ARID5B: variants seen among roughly 807,000 people sequenced by gnomAD.
The protein encoded by ARID5B is AT-rich interactive domain-containing protein 5B.
In ARID5B, 13 loss-of-function variants were observed where a neutral mutation model predicts 97.2. The observed-to-expected ratio is 0.13, with a 90% CI of 0.09 to 0.21. The LOEUF (loss-of-function observed/expected upper bound fraction) is 0.21. Ranked by LOEUF, ARID5B falls within the 10% of genes least tolerant of loss-of-function variation. ARID5B has a pLI of 1.00. For synonymous variants in ARID5B, 556 were observed against 570.3 expected, an observed-to-expected ratio of 0.97 and a Z score of 0.36; for missense variants, 1,210 against 1,465.3, an observed-to-expected ratio of 0.83 and a Z score of 2.84.
chr10:61,913,102 C>T (rs916852634), intron 2 of ARID5B, among the ~76,000 whole-genome samples: 3 of 152,138 alleles, frequency 2.0e-5, no homozygotes, highest in Non-Finnish European at 4.4e-5. Flanking sequence ...TGGAAATTTG[C>T]ACTGTGGAAA....
In ARID5B at chr10:62,090,731, T is replaced by C. The variant is rs1446809703; in HGVS notation, c.1399-131T>C. The C allele has an allele frequency of 8.5e-6, 10 of 1,170,786 alleles. No individual in the cohort carries two copies. The Middle Eastern group carries it at 8.8e-4, about 103-fold the overall frequency. The allele number at this position is 1,170,786 out of a possible 1,614,324, so 72.5% of individuals were successfully genotyped here. A position where few individuals can be genotyped will look rare whatever the true frequency, so the allele number is the denominator to read the frequency against. On this transcript the variant is annotated intron_variant, in intron 9 of 9. Coordinates refer to ENST00000279873, the MANE Select transcript of ARID5B (RefSeq NM_032199.3). ...CCATGATTGGGGAGTAATAAAGCTT[T>C]ACAGAAACTTCACGAGCTGATTGAC... is the stretch of plus-strand genomic sequence containing the variant.
At chr10:61,979,198 C>A (rs951764649) in intron 3 of ARID5B, among the ~76,000 whole-genome samples, 1 of 152,208 alleles carries the variant, frequency 6.6e-6, no homozygotes, top group Non-Finnish European at 1.5e-5. Flanking sequence ...TGCAAGCCAT[C>A]TGAGTTCCTC....
At chr10:61,983,356 C>T (rs1393527139) in intron 3 of ARID5B, among the ~76,000 whole-genome samples, 1 of 152,118 alleles carries the variant, frequency 6.6e-6, no homozygotes, top group South Asian at 2.1e-4. Flanking sequence ...TAGTGATTTT[C>T]TTAAATCGGA....
chr10:62,022,331 C>T (rs1032041242), intron 4 of ARID5B, among the ~76,000 whole-genome samples: 6 of 152,212 alleles, frequency 3.9e-5, no homozygotes, highest in African/African-American at 1.4e-4. Context: ...CACAGCTGCC[C>T]TCCTTTTTGA....
At chr10:62,017,379 G>T (rs1273934220) in intron 4 of ARID5B, among the ~76,000 whole-genome samples, 3 of 151,872 alleles carry the variant, frequency 2.0e-5, no homozygotes, top group African/African-American at 7.3e-5. Context: ...TTGAATCTGG[G>T]CATCGGAGAC....
chr10:61,962,360 T>C (rs1383092182), intron 3 of ARID5B, among the ~76,000 whole-genome samples: 5 of 152,210 alleles, frequency 3.3e-5, no homozygotes, highest in Middle Eastern at 3.2e-3. Context: ...CTGTGTTGCA[T>C]TGCATAATTG....
intron 2 of ARID5B, among the ~76,000 whole-genome samples, chr10:61,932,393 T>C (rs1844225303): frequency 6.7e-6 from 1 of 148,172 alleles, no homozygotes; most frequent in African/African-American, 2.6e-5. Context: ...AATTCCTTTT[T>C]TCTTTTTCTT....
intron 3 of ARID5B, among the ~76,000 whole-genome samples, chr10:61,984,077 C>T (rs1037085925): frequency 1.3e-5 from 2 of 152,216 alleles, no homozygotes; most frequent in Non-Finnish European, 2.9e-5. Context: ...CTTTTAAAAT[C>T]TCAGACTCAG....
intron 4 of ARID5B, among the ~76,000 whole-genome samples, chr10:62,038,395 A>C (rs1360558736): frequency 6.6e-6 from 1 of 151,884 alleles, no homozygotes; most frequent in East Asian, 1.9e-4. Flanking sequence ...AAAAGAAAAA[A>C]AGCCAGTTTT....
At chr10:62,057,854 T>G (rs1368283581) in intron 6 of ARID5B, among the ~76,000 whole-genome samples, 1 of 152,202 alleles carries the variant, frequency 6.6e-6, no homozygotes, top group Non-Finnish European at 1.5e-5. Flanking sequence ...ACATGTACAT[T>G]TAAATATAAG....
chr10:62,000,819 C>T lies in ARID5B; in HGVS notation c.733+498C>T, dbSNP rs1280139209. On this transcript the variant is annotated intron_variant, in intron 4 of 9. Transcript: ENST00000279873. This position sits in a 1 kb window ranked among gnomAD's most constrained non-coding sequence, Gnocchi z 4.4. ...ACTTTAGTACTGTACAGTAGATAGA[C>T]ACGTAGAGAGATGATAGATAGATAG... 6.9e-6 allele frequency among the ~76,000 whole-genome samples: 1 copy of T among 144,370 alleles called. No individual in the cohort carries two copies. Among genetic ancestry groups the T allele is most frequent in the Non-Finnish European group, 1.5e-5 (1 of 66,136 alleles). The allele number at this position is 144,370 out of a possible 152,430, so 94.7% of individuals were successfully genotyped here.
intron 2 of ARID5B, among the ~76,000 whole-genome samples, chr10:61,929,031 C>T (rs1450594637): frequency 6.6e-6 from 1 of 152,132 alleles, no homozygotes; most frequent in African/African-American, 2.4e-5. Flanking sequence ...ACACCAGAGG[C>T]ACATGCACCT....
intron 3 of ARID5B, among the ~76,000 whole-genome samples, chr10:61,944,646 T>C (rs1279201897): frequency 6.6e-6 from 1 of 152,240 alleles, no homozygotes; most frequent in Non-Finnish European, 1.5e-5. Flanking sequence ...TTATATGCTT[T>C]GGATTGTTGT....
chr10:61,926,855 A>T (rs564463758), intron 2 of ARID5B, among the ~76,000 whole-genome samples: 2 of 152,014 alleles, frequency 1.3e-5, no homozygotes, highest in East Asian at 3.9e-4. Context: ...TGATCTCCTG[A>T]CCTCGTGATC....
At chr10:62,005,430 T>C (rs888552758) in intron 4 of ARID5B, among the ~76,000 whole-genome samples, 1 of 152,224 alleles carries the variant, frequency 6.6e-6, no homozygotes, top group African/African-American at 2.4e-5. Context: ...CTATTAGTCA[T>C]ATGTCTTGCA....
rs370155560 is a variant in ARID5B, at chr10:62,050,991, C to T, written c.837C>T (p.Ala279=). Residue 279 remains alanine (A), a synonymous_variant, in exon 5 of 10, where the codon GCC becomes GCT. Transcript: ENST00000279873. ...CCAACAACAATTCCGATGGCAAAGC[C>T]GTTGCCAAGGTACGGTCATTCACTC... is the stretch of plus-strand genomic sequence containing the variant. The part of the protein sequence containing the change: ...KDSNNNSDGK[A]VAKVKCEARS... 1.1e-5 allele frequency: 17 copies of T among 1,613,404 alleles called. No individual in the cohort carries two copies. Among genetic ancestry groups the T allele is most frequent in the Non-Finnish European group, 1.4e-5 (16 of 1,179,446 alleles).
intron 4 of ARID5B, among the ~76,000 whole-genome samples, chr10:62,032,468 A>C (rs1050880056): frequency 6.6e-5 from 10 of 152,294 alleles, no homozygotes; most frequent in Middle Eastern, 6.8e-3. Flanking sequence ...CCTGTAATCC[A>C]GCATTTTGGG....
At chr10:61,932,414 T>A (rs970913619) in intron 2 of ARID5B, among the ~76,000 whole-genome samples, 4 of 126,442 alleles carry the variant, frequency 3.2e-5, no homozygotes, top group African/African-American at 1.2e-4. Context: ...TTTCTTTTTC[T>A]TTTTTTTTTT....
In ARID5B at chr10:62,094,165, A is replaced by T. The variant is rs1274707458; in HGVS notation, c.*1135A>T. ...CACAGATATTTTAGGAATTTCAGAA[A>T]TTAGAACAGGAGCCAAAATGATTTA... On this transcript the variant is annotated 3_prime_UTR_variant, in exon 10 of 10. Coordinates refer to ENST00000279873, the MANE Select transcript of ARID5B (RefSeq NM_032199.3). 8.6e-6 allele frequency: 2 copies of T among 232,958 alleles called. No individual in the cohort carries two copies. The highest frequency in any genetic ancestry group is 1.2e-4 in the East Asian group (2 of 16,518). The allele number at this position is 232,958 out of a possible 1,614,324, so 14.4% of individuals were successfully genotyped here.
Sources: allele counts gnomAD v4.1 joint callset (sites outside exome capture counted in the v4.1 genomes callset), GRCh38; gene constraint gnomAD v4.1.1; non-coding constraint Gnocchi (gnomAD v3.1); transcripts MANE v1.5; gene names NCBI Gene and HGNC (gene_info 2026-07-23, HGNC 2026-07-21).